RANBP2: variants seen among roughly 807,000 people sequenced by gnomAD.
The protein encoded by RANBP2 is E3 SUMO-protein ligase RanBP2.
RANBP2 carries 57 observed loss-of-function variants against 303.6 expected under a neutral mutation model. The ratio of observed to expected loss-of-function variants is 0.19; its 90% confidence interval spans 0.15 to 0.23. RANBP2 has a LOEUF of 0.23. RANBP2 is among the 10% of genes least tolerant of loss of function. RANBP2 has a pLI of 1.00. For missense variants in RANBP2, 3,138 were observed against 3,780.8 expected (o/e 0.83, Z 4.46); for synonymous variants, 1,167 against 1,301.5 (o/e 0.90, Z 2.23).
chr2:109,177,335 A>T, the RANBP2 span, among the ~76,000 whole-genome samples: 1 of 152,350 alleles, frequency 6.6e-6, no homozygotes, highest in East Asian at 1.9e-4. Flanking sequence ...TAAGAAAGAT[A>T]CTTAGGGTGG....
At chr2:109,149,911 T>G in the RANBP2 span, among the ~76,000 whole-genome samples, 1 of 152,354 alleles carries the variant, frequency 6.6e-6, no homozygotes, top group Non-Finnish European at 1.5e-5. Context: ...TGAAATCACT[T>G]TTTAATTGCA....
At chr2:109,274,959 A>C in the RANBP2 span, among the ~76,000 whole-genome samples, 1 of 152,050 alleles carries the variant, frequency 6.6e-6, no homozygotes, top group Admixed American at 6.5e-5. Flanking sequence ...TAAAATGGTT[A>C]ATTTCCTGTT....
the RANBP2 span, among the ~76,000 whole-genome samples, chr2:108,832,530 A>G: frequency 0.018 from 2,805 of 152,008 alleles, 95 homozygotes; most frequent in African/African-American, 0.065. Flanking sequence ...TATTTTTAGT[A>G]GAGACGGGGT....
the RANBP2 span, among the ~76,000 whole-genome samples, chr2:109,534,329 C>G: frequency 6.6e-6 from 1 of 152,202 alleles, no homozygotes; most frequent in African/African-American, 2.4e-5. Context: ...AGTTCCCTAA[C>G]CCATCCACCT....
At chr2:108,953,638 T>C in the RANBP2 span, among the ~76,000 whole-genome samples, 1 of 152,142 alleles carries the variant, frequency 6.6e-6, no homozygotes, top group Non-Finnish European at 1.5e-5. Context: ...GATGATTTTC[T>C]AGGAAGACTA....
chr2:109,699,174 G>T, the RANBP2 span, among the ~76,000 whole-genome samples: 8 of 152,212 alleles, frequency 5.3e-5, no homozygotes, highest in Non-Finnish European at 7.3e-5. Flanking sequence ...TCTCATGCCT[G>T]TGGAATGTCA....
At chr2:109,281,674 A>C in the RANBP2 span, among the ~76,000 whole-genome samples, 1 of 152,118 alleles carries the variant, frequency 6.6e-6, no homozygotes, top group Admixed American at 6.5e-5. Context: ...TGAATTCCCC[A>C]CAGTTCTTAG....
the RANBP2 span, among the ~76,000 whole-genome samples, chr2:109,231,439 T>C: frequency 7.9e-5 from 12 of 152,378 alleles, no homozygotes; most frequent in Admixed American, 6.5e-5. Context: ...TTTGCTTTTC[T>C]CGTGCAGACC....
rs777572741 is a variant in RANBP2 at position 108,764,589 on chromosome 2, G to A, written c.4050G>A (p.Lys1350=). ...TGAATTTTGAATTTCAGGTTGCAAAGAAAGAAGGGTCTTGGTGGCATTGTA... is the reference window on the plus strand; with the variant it reads ...TGAATTTTGAATTTCAGGTTGCAAAAAAAGAAGGGTCTTGGTGGCATTGTA... The part of the protein sequence containing the change: ...GNLNFEFQVA[K]KEGSWWHCNS... The change falls in exon 20 of 29, where the codon AAG becomes AAA. Residue 1350 remains lysine, a synonymous_variant. Transcript: ENST00000283195. 1.9e-5 allele frequency: 31 copies of A among 1,613,924 alleles called. No individual in the cohort carries two copies. Among genetic ancestry groups the A allele is most frequent in the Non-Finnish European group, 2.5e-5 (30 of 1,179,976 alleles).
At chr2:109,495,915 C>CAAT in the RANBP2 span, among the ~76,000 whole-genome samples, 2 of 152,104 alleles carry the variant, frequency 1.3e-5, no homozygotes, top group Non-Finnish European at 2.9e-5. Flanking sequence ...GCACACTAAA[C>CAAT]ACAACAATAA....
At chr2:109,272,649 C>T in the RANBP2 span, among the ~76,000 whole-genome samples, 2 of 152,224 alleles carry the variant, frequency 1.3e-5, no homozygotes, top group Non-Finnish European at 2.9e-5. Flanking sequence ...CAGCTGCCAA[C>T]GGTCCTCCTC....
chr2:109,363,873 C>T, the RANBP2 span, among the ~76,000 whole-genome samples: 1 of 152,160 alleles, frequency 6.6e-6, no homozygotes, highest in Non-Finnish European at 1.5e-5. Flanking sequence ...TCCCCTCTGA[C>T]TTCTTTCAGG....
the RANBP2 span, among the ~76,000 whole-genome samples, chr2:109,248,124 T>G: frequency 6.6e-6 from 1 of 152,250 alleles, no homozygotes; most frequent in Non-Finnish European, 1.5e-5. Context: ...GTCCACTGCC[T>G]GTTTTCTTTT....
the RANBP2 span, among the ~76,000 whole-genome samples, chr2:109,365,255 A>C: frequency 6.6e-6 from 1 of 152,170 alleles, no homozygotes; most frequent in Non-Finnish European, 1.5e-5. Flanking sequence ...TCCTTGAGGC[A>C]CAATTCACAA....
chr2:109,615,677 C>T, the RANBP2 span: 280 of 1,614,060 alleles, frequency 1.7e-4, no homozygotes, highest in African/African-American at 3.3e-3. Flanking sequence ...TGGTGGGAGC[C>T]CTGGACGAGG....
chr2:108,816,198 C>G, the RANBP2 span: 1 of 947,688 alleles, frequency 1.1e-6, no homozygotes, highest in Non-Finnish European at 1.6e-6. Flanking sequence ...CGTCTATAAT[C>G]CCATCACTTT....
the RANBP2 span, among the ~76,000 whole-genome samples, chr2:109,031,873 C>T: frequency 2.6e-5 from 4 of 152,026 alleles, no homozygotes; most frequent in African/African-American, 7.2e-5. Flanking sequence ...AATTTCTTGT[C>T]CCGTGAGCGC....
chr2:108,987,545 C>T, the RANBP2 span, among the ~76,000 whole-genome samples: 1 of 152,218 alleles, frequency 6.6e-6, no homozygotes, highest in East Asian at 1.9e-4. Flanking sequence ...AAGCAAGAAA[C>T]CAGGTAGTGG....
chr2:109,320,482 A>T, the RANBP2 span, among the ~76,000 whole-genome samples: 1 of 152,162 alleles, frequency 6.6e-6, no homozygotes, highest in Non-Finnish European at 1.5e-5. Context: ...CGTCTTCTTA[A>T]CCAAGGCCAG....
Sources: allele counts gnomAD v4.1 joint callset (sites outside exome capture counted in the v4.1 genomes callset), GRCh38; gene constraint gnomAD v4.1.1; transcripts MANE v1.5; gene names NCBI Gene and HGNC (gene_info 2026-07-23, HGNC 2026-07-21).